TUT7: variants seen among roughly 807,000 people sequenced by gnomAD.
TUT7 encodes the protein terminal uridylyl transferase 7.
In TUT7, 33 loss-of-function variants were observed where a neutral mutation model predicts 165.9. The observed-to-expected ratio is 0.20, with a 90% CI of 0.15 to 0.27. The LOEUF is 0.27. TUT7 is among the 10% of genes least tolerant of loss of function. TUT7 has a pLI of 1.00. For missense variants in TUT7, 1,338 were observed against 1,762.3 expected, an observed-to-expected ratio of 0.76 and a Z score of 4.31; for synonymous variants, 552 against 608.1, an observed-to-expected ratio of 0.91 and a Z score of 1.36.
rs1051662157 is a variant in TUT7 at position 86,346,422 on chromosome 9, A to G, written c.579T>C (p.Asn193=). 15 of 1,613,918 alleles carry G rather than the reference A, an allele frequency of 9.3e-6. 1 individual carries two copies. Among genetic ancestry groups the G allele is most frequent in the Middle Eastern group, 3.3e-4 (2 of 6,062 alleles). ...GGCCTTCCAAGTCTCCATCCTGCTC[A>G]TTTTCCTCATTTCTAGTCTTCCGTG... ...RKPRKTRNEE[N]EQDGDLEGPV... The change falls in exon 3 of 27, where the codon AAT becomes AAC. Residue 193 remains asparagine (N), a synonymous_variant. Transcript: ENST00000375963.
chr9:86,330,869 T>C (rs991480134), intron 10 of TUT7, among the ~76,000 whole-genome samples: 1 of 151,508 alleles, frequency 6.6e-6, no homozygotes, highest in African/African-American at 2.4e-5. Context: ...ATATCTTGTA[T>C]TTTTTTCTTT....
At chr9:86,345,602 G>A in intron 4 of TUT7, 67 bp downstream of exon 4, 1 of 1,171,184 alleles carries the variant, frequency 8.5e-7, no homozygotes, top group South Asian at 1.3e-5. Context: ...GGAGAAGAAA[G>A]CCACAAAGAT....
At chr9:86,344,881 G>T in intron 5 of TUT7, 96 bp downstream of exon 5, 1 of 1,187,374 alleles carries the variant, frequency 8.4e-7, no homozygotes, top group Non-Finnish European at 1.2e-6. Flanking sequence ...TCATGACATG[G>T]TAAATAAATT....
chr9:86,317,619 T>C (rs1054614519), intron 16 of TUT7, among the ~76,000 whole-genome samples: 22 of 152,194 alleles, frequency 1.4e-4, no homozygotes, highest in Admixed American at 1.1e-3. Context: ...GTACCCCATG[T>C]CCCAGAATAA....
At position 86,352,759 on chromosome 9, in the gene TUT7, G is replaced by C; in HGVS notation, c.441C>G (p.Gly147=). Residue 147 remains glycine (G), a synonymous_variant, in exon 2 of 27, where the codon GGC becomes GGG. Coordinates refer to ENST00000375963, the MANE Select transcript of TUT7 (RefSeq NM_024617.4). ...EDGYRWQDTR[G]CRTVRRLFHK... is the part of the protein sequence containing the mutation. ...GAAACAGTCGTCTTACAGTTCTGCAGCCTCTTGTGTCTTGCCACCTATAAC... is the reference window on the plus strand; with the variant it reads ...GAAACAGTCGTCTTACAGTTCTGCACCCTCTTGTGTCTTGCCACCTATAAC... The C allele has an allele frequency of 6.2e-7, 1 of 1,614,182 alleles. No individual in the cohort carries two copies. Among genetic ancestry groups the C allele is most frequent in the Middle Eastern group, 1.6e-4 (1 of 6,062 alleles).
rs1832427908 is a variant in TUT7 at position 86,352,974 on chromosome 9, G to A, written c.226C>T (p.Pro76Ser). ...TAGATTGGGTTTTTAAATGCATATGGATTGCTGGAAACAGCACATGGTCCT... is the reference window on the plus strand; with the variant it reads ...TAGATTGGGTTTTTAAATGCATATGAATTGCTGGAAACAGCACATGGTCCT... ...RKGPCAVSSN[P>S]YAFKNPIYSQ... Residue 76 changes from proline (P) to serine (S), a missense_variant, in exon 2 of 27, where the codon CCA becomes TCA. Transcript: ENST00000375963. 6.2e-7 allele frequency: 1 copy of A among 1,614,072 alleles called. No individual in the cohort carries two copies. Among genetic ancestry groups the A allele is most frequent in the African/African-American group, 1.3e-5 (1 of 74,924 alleles).
chr9:86,343,994 A>G (rs1346117133), intron 5 of TUT7, among the ~76,000 whole-genome samples: 1 of 152,236 alleles, frequency 6.6e-6, no homozygotes, highest in Non-Finnish European at 1.5e-5. Context: ...TTTTACAGTA[A>G]AAATCATCAG....
At chr9:86,290,003 C>A (rs1168029407) in intron 26 of TUT7, among the ~76,000 whole-genome samples, 1 of 152,020 alleles carries the variant, frequency 6.6e-6, no homozygotes, top group Non-Finnish European at 1.5e-5. Flanking sequence ...ATATAAATAG[C>A]ATTTTCAAAA....
At chr9:86,338,716 T>C (rs1233435750) in intron 9 of TUT7, 107 bp downstream of exon 9, 2 of 1,232,374 alleles carry the variant, frequency 1.6e-6, no homozygotes, top group African/African-American at 1.6e-5. Flanking sequence ...TCTCTTTTGA[T>C]GTCTATAAAT....
At chr9:86,344,952 A>G (rs373906841) in intron 5 of TUT7, 25 bp downstream of exon 5, 1 of 1,588,402 alleles carries the variant, frequency 6.3e-7, no homozygotes, top group African/African-American at 1.4e-5. Flanking sequence ...AGGTAGTTAA[A>G]TAGAAAAACA....
intron 16 of TUT7, among the ~76,000 whole-genome samples, chr9:86,317,691 G>A (rs747990100): frequency 6.6e-6 from 1 of 152,206 alleles, no homozygotes; most frequent in Non-Finnish European, 1.5e-5. Flanking sequence ...TAGTTTAAGA[G>A]TTGATGAATT....
chr9:86,320,547 G>A (rs1182517803), intron 14 of TUT7, among the ~76,000 whole-genome samples: 1 of 152,064 alleles, frequency 6.6e-6, no homozygotes, highest in African/African-American at 2.4e-5. Context: ...AATATGTCCT[G>A]GAAATAACCC....
intron 26 of TUT7, among the ~76,000 whole-genome samples, chr9:86,297,319 C>T (rs1826413484): frequency 1.3e-5 from 2 of 152,176 alleles, no homozygotes. Context: ...GATTTCTCAA[C>T]ATCCCTGTCA....
chr9:86,327,659 A>G (rs1829914034), intron 11 of TUT7, among the ~76,000 whole-genome samples: 1 of 152,234 alleles, frequency 6.6e-6, no homozygotes, highest in Non-Finnish European at 1.5e-5. Flanking sequence ...GTGTTCAAGG[A>G]TTCTAGAAAA....
rs1286001048 is a variant in TUT7, at chr9:86,301,281, G to A, written c.4415C>T (p.Ser1472Phe). Residue 1472 changes from serine (S) to phenylalanine (F), a missense_variant, in exon 26 of 27, where the codon TCT becomes TTT. Physicochemically the swap from Ser to Phe is radical, Grantham distance 155. Coordinates refer to ENST00000375963, the MANE Select transcript of TUT7 (RefSeq NM_024617.4). ...IKKECPQFKG[S>F]SGSLSSKYMT... is the part of the protein sequence containing the mutation. ...GGTGTGATAGGTGTCCATACCTGAAGAGCCTTTAAACTGTGGGCATTCCTT... is the reference window on the plus strand; with the variant it reads ...GGTGTGATAGGTGTCCATACCTGAAAAGCCTTTAAACTGTGGGCATTCCTT... 1.2e-6 allele frequency: 2 copies of A among 1,613,032 alleles called. No homozygotes were observed. Among genetic ancestry groups the A allele is most frequent in the South Asian group, 1.1e-5 (1 of 91,012 alleles).
chr9:86,329,518 C>T (rs1217800630), intron 10 of TUT7, among the ~76,000 whole-genome samples: 1 of 119,860 alleles, frequency 8.3e-6, no homozygotes, highest in Non-Finnish European at 1.8e-5. Context: ...AGCGAAACTC[C>T]ATCTCAAAAA....
intron 7 of TUT7, among the ~76,000 whole-genome samples, chr9:86,340,575 T>C (rs754710636): frequency 9.2e-5 from 14 of 152,336 alleles, no homozygotes; most frequent in African/African-American, 2.2e-4. Context: ...AAGCTGGACA[T>C]TGTATTAGAC....
rs996715032 is a variant in TUT7, at chr9:86,303,077, T to C, written c.4094+9A>G. On this transcript the variant is annotated intron_variant, in intron 25 of 26. Coordinates refer to ENST00000375963, the MANE Select transcript of TUT7 (RefSeq NM_024617.4). ...AAAACACAACCAACCCCTTTGAACA[T>C]TTACTTACTTTCTCCTCATAGGACA... The C allele has an allele frequency of 1.4e-6, 2 of 1,412,264 alleles. No individual in the cohort carries two copies. The highest frequency in any genetic ancestry group is 1.8e-4 in the Middle Eastern group (1 of 5,520). 87.5% of individuals were successfully genotyped at this position (1,412,264 alleles called of 1,614,324 possible). A position where few individuals can be genotyped will look rare whatever the true frequency, so the allele number is the denominator to read the frequency against.
chr9:86,321,050 G>A (rs1829236936), intron 14 of TUT7, among the ~76,000 whole-genome samples: 1 of 152,152 alleles, frequency 6.6e-6, no homozygotes, highest in Non-Finnish European at 1.5e-5. Flanking sequence ...CAGGCTTCAA[G>A]TAACTTGAAT....
Sources: gnomAD v4.1 joint callset for allele counts (sites outside exome capture counted in the v4.1 genomes callset) on GRCh38, gnomAD v4.1.1 for gene constraint, MANE v1.5 for transcripts, NCBI Gene and HGNC (gene_info 2026-07-23, HGNC 2026-07-21) for gene names.